Variants in BIN1 observed in about 807,000 individuals in gnomAD.
BIN1 encodes myc box-dependent-interacting protein 1.
Under a neutral mutation model 82.0 loss-of-function variants are expected in BIN1, and 53 were observed. The observed-to-expected ratio is 0.65, with a 90% CI of 0.52 to 0.81. The LOEUF (loss-of-function observed/expected upper bound fraction) is 0.81, where lower values mean the gene tolerates loss of function less well. Ranked by LOEUF, BIN1 falls within the 40% of genes least tolerant of loss-of-function variation. BIN1 has a pLI of 0.00. For missense variants in BIN1, 642 were observed against 784.4 expected, an observed-to-expected ratio of 0.82 and a Z score of 2.17; for synonymous variants, 302 against 328.0, an observed-to-expected ratio of 0.92 and a Z score of 0.86.
intron 1 of BIN1, chr2:127,081,686 G>A (rs998171504): frequency 1.8e-5 from 16 of 880,974 alleles, no homozygotes; most frequent in East Asian, 9.9e-5. Flanking sequence ...ACCAGCCAGC[G>A]GCACCCCTCG....
rs1683786807 is a variant in BIN1, at chr2:127,057,129, C to T, written c.1131+344G>A. Among the ~76,000 whole-genome samples, 1 of 152,238 alleles carries T rather than the reference C, an allele frequency of 6.6e-6. No homozygotes were observed. The highest frequency in any genetic ancestry group is 2.4e-5 in the African/African-American group (1 of 41,468). ...TCCAGGACCTTCCAACTCTCCCTGG[C>T]CCTGGAAGCCTTCCCTGACAGCCAC... On this transcript the variant is annotated intron_variant, in intron 12 of 18. Coordinates refer to ENST00000316724, the MANE Select transcript of BIN1 (RefSeq NM_139343.3). The surrounding 1 kb of genome is among the most constrained non-coding windows in gnomAD (Gnocchi z 5.0).
rs764821578 is a variant in BIN1, at chr2:127,070,550, C to G, written c.315+3G>C. 6 of 1,614,018 alleles carry G rather than the reference C, an allele frequency of 3.7e-6. No homozygotes were observed. Among genetic ancestry groups the G allele is most frequent in the Non-Finnish European group, 5.1e-6 (6 of 1,180,014 alleles). On this transcript the variant is annotated splice_donor_region_variant and intron_variant, in intron 4 of 18. Coordinates refer to ENST00000316724, the MANE Select transcript of BIN1 (RefSeq NM_139343.3). Reference sequence around the variant, plus strand: ...AGGGCAGGCCCACCTGTCCCATGCTCACCTCTGCGATCTTGTTTGCCTCAT... The same window carrying G: ...AGGGCAGGCCCACCTGTCCCATGCTGACCTCTGCGATCTTGTTTGCCTCAT...
intron 10 of BIN1, chr2:127,060,714 C>T: frequency 6.3e-7 from 1 of 1,580,218 alleles, no homozygotes; most frequent in Non-Finnish European, 8.7e-7. Context: ...TGTCCCCTTC[C>T]CTCTTTGCCA....
intron 1 of BIN1, among the ~76,000 whole-genome samples, chr2:127,094,709 G>A (rs548179298): frequency 6.6e-6 from 1 of 152,334 alleles, no homozygotes; most frequent in African/African-American, 2.4e-5. Context: ...CTGGCATCAG[G>A]TTCTGTCCTT....
At chr2:127,081,663 T>C (rs1263361483) in intron 1 of BIN1, among the ~76,000 whole-genome samples, 2 of 152,052 alleles carry the variant, frequency 1.3e-5, no homozygotes, top group Non-Finnish European at 2.9e-5. Context: ...GGCAGAAAGC[T>C]AGGGGCTCCT....
chr2:127,072,192 C>T (rs559996825), intron 2 of BIN1, among the ~76,000 whole-genome samples: 1 of 152,380 alleles, frequency 6.6e-6, no homozygotes, highest in East Asian at 1.9e-4. Context: ...TTCAGGTCCA[C>T]CTCCAGGTGA....
chr2:127,064,732 T>C, intron 7 of BIN1: 1 of 157,650 alleles, frequency 6.3e-6, no homozygotes, highest in Non-Finnish European at 1.4e-5. Context: ...GCCCACACCT[T>C]CCCCAGGGCA....
chr2:127,081,907 T>G (rs1687342413), intron 1 of BIN1: 1 of 1,273,298 alleles, frequency 7.9e-7, no homozygotes, highest in Non-Finnish European at 1.0e-6. Context: ...CGCCCCTTCC[T>G]CCCAGCAGAG....
chr2:127,058,974 G>T, intron 11 of BIN1, 37 bp downstream of exon 11: 1 of 1,551,674 alleles, frequency 6.4e-7, no homozygotes, highest in East Asian at 2.4e-5. Flanking sequence ...GAGAAGGAGG[G>T]AGGGCAGGGG....
chr2:127,076,035 G>C (rs1318807976), intron 2 of BIN1, among the ~76,000 whole-genome samples: 1 of 141,674 alleles, frequency 7.1e-6, no homozygotes, highest in Non-Finnish European at 1.5e-5. Flanking sequence ...AGCTACTCCC[G>C]GCCCTCGCAG....
chr2:127,072,796 G>T (rs934514968), intron 2 of BIN1, among the ~76,000 whole-genome samples: 2 of 152,164 alleles, frequency 1.3e-5, no homozygotes, highest in South Asian at 2.1e-4. Flanking sequence ...CCATCAGGGG[G>T]TCGGATGGAG....
At chr2:127,063,709 TACCC>T in intron 8 of BIN1, 63 bp from the exon 9 acceptor site, 1 of 1,559,454 alleles carries the variant, frequency 6.4e-7, no homozygotes, top group African/African-American at 1.4e-5. Context: ...AACTCAGAAA[TACCC>T]ACCCACGAGC....
chr2:127,062,339 AC>A, intron 9 of BIN1, 142 bp from the exon 10 acceptor site: 1 of 847,130 alleles, frequency 1.2e-6, no homozygotes, highest in Non-Finnish European at 1.9e-6. Context: ...AGAGCAAGGA[AC>A]TAGCACACCA....
At chr2:127,075,710 A>C in intron 2 of BIN1, among the ~76,000 whole-genome samples, 2 of 122,826 alleles carry the variant, frequency 1.6e-5, no homozygotes, top group Non-Finnish European at 3.4e-5. Context: ...CCTCTCCCAG[A>C]ATGCTCCCCG....
chr2:127,099,606 C>A (rs544456486), intron 1 of BIN1, among the ~76,000 whole-genome samples: 1 of 152,188 alleles, frequency 6.6e-6, no homozygotes, highest in African/African-American at 2.4e-5. Context: ...CGCCGCCTCC[C>A]GGGTTCAAGC....
chr2:127,051,183 C>T lies in BIN1; in HGVS notation c.1432G>A (p.Gly478Arg), dbSNP rs1682897542. ...TQPAAGAQEP[G>R]ETAASEAASS... is the part of the protein sequence containing the mutation. Reference sequence around the variant, plus strand: ...GCTGCTTCACTTGCCGCCGTCTCCCCTGGCTCCTGGGCTCCAGCCGCAGGT... The same window carrying T: ...GCTGCTTCACTTGCCGCCGTCTCCCTTGGCTCCTGGGCTCCAGCCGCAGGT... Residue 478 changes from glycine (G) to arginine (R), a missense_variant, in exon 16 of 19, where the codon GGG becomes AGG. Gly to Arg is a moderately radical substitution (Grantham distance 125, BLOSUM62 -2). Coordinates refer to ENST00000316724, the MANE Select transcript of BIN1 (RefSeq NM_139343.3). 17 of 1,613,436 alleles carry T rather than the reference C, an allele frequency of 1.1e-5. No homozygotes were observed. The highest frequency in any genetic ancestry group is 1.4e-5 in the Non-Finnish European group (16 of 1,179,940).
At chr2:127,091,493 C>T (rs1330576331) in intron 1 of BIN1, among the ~76,000 whole-genome samples, 1 of 152,238 alleles carries the variant, frequency 6.6e-6, no homozygotes, top group African/African-American at 2.4e-5. Context: ...AGGCTGATTC[C>T]ACTGTATTTG....
At chr2:127,098,384 C>T (rs989105960) in intron 1 of BIN1, among the ~76,000 whole-genome samples, 1 of 152,180 alleles carries the variant, frequency 6.6e-6, no homozygotes, top group Non-Finnish European at 1.5e-5. Context: ...GGCTCAGCCA[C>T]CAGACACTGC....
intron 2 of BIN1, among the ~76,000 whole-genome samples, chr2:127,071,460 G>A (rs575744245): frequency 2.0e-5 from 3 of 152,320 alleles, no homozygotes; most frequent in East Asian, 3.9e-4. Context: ...AAAGGCTGAG[G>A]GGACAGTGGG....
Sources: gnomAD v4.1 joint callset for allele counts (sites outside exome capture counted in the v4.1 genomes callset) on GRCh38, gnomAD v4.1.1 for gene constraint, Gnocchi (gnomAD v3.1) non-coding constraint, MANE v1.5 for transcripts, NCBI Gene and HGNC (gene_info 2026-07-23, HGNC 2026-07-21) for gene names.